The following UBTD2 variants were observed in gnomAD, a reference collection of about 807,000 sequenced individuals.
The protein encoded by UBTD2 is ubiquitin domain containing 2.
Under a neutral mutation model 19.8 loss-of-function variants are expected in UBTD2, and 9 were observed. The ratio of observed to expected loss-of-function variants is 0.46; its 90% confidence interval spans 0.27 to 0.79. The LOEUF (loss-of-function observed/expected upper bound fraction) is 0.79, where lower values mean the gene tolerates loss of function less well. Ranked by LOEUF, UBTD2 falls within the 30% of genes least tolerant of loss-of-function variation. UBTD2 has a pLI of 0.14. For missense variants in UBTD2, 250 were observed against 300.4 expected (o/e 0.83, Z 1.24); for synonymous variants, 98 against 103.9 (o/e 0.94, Z 0.35).
intron 2 of UBTD2, among the ~76,000 whole-genome samples, chr5:172,228,527 C>G (rs1056401965): frequency 6.6e-6 from 1 of 151,984 alleles, no homozygotes; most frequent in African/African-American, 2.4e-5. Flanking sequence ...TTGAGACCAC[C>G]CTGGCCAACA....
chr5:172,218,798 TAAA>T (rs58608463), intron 2 of UBTD2, among the ~76,000 whole-genome samples: 1 of 121,506 alleles, frequency 8.2e-6, no homozygotes, highest in Non-Finnish European at 1.8e-5. Context: ...AATAAAAAAA[TAAA>T]AAAAAAAATA....
chr5:172,234,266 C>G lies in UBTD2; in HGVS notation c.163G>C (p.Asp55His). 1 of 1,614,184 alleles carries G rather than the reference C, an allele frequency of 6.2e-7. No individual in the cohort carries two copies. The highest frequency in any genetic ancestry group is 8.5e-7 in the Non-Finnish European group (1 of 1,180,032). The change falls in exon 2 of 3, where the codon GAT (aspartate) becomes CAT (histidine). Residue 55 changes from aspartate to histidine, a missense_variant. Physicochemically the swap from Asp to His is moderately conservative, Grantham distance 81. Transcript: ENST00000393792. ...GCTGGTGCTGTATCCCAAAATTCAT[C>G]CCTCTTGCTGCGTAGTTGTCCATCT... The part of the protein sequence containing the change: ...MTDGQLRSKR[D>H]EFWDTAPAFE...
At chr5:172,248,586 TA>T (rs772834913) in intron 1 of UBTD2, among the ~76,000 whole-genome samples, 211 of 137,008 alleles carry the variant, frequency 1.5e-3, no homozygotes, top group Admixed American at 1.9e-3. Flanking sequence ...AGACTCCGTC[TA>T]AAAAAAAAAA....
At chr5:172,221,588 A>C (rs1312299081) in intron 2 of UBTD2, among the ~76,000 whole-genome samples, 1 of 152,210 alleles carries the variant, frequency 6.6e-6, no homozygotes, top group Admixed American at 6.5e-5. Flanking sequence ...AACTGAAAGA[A>C]GATAGTGTGA....
At chr5:172,269,320 T>C (rs1422118704) in intron 1 of UBTD2, among the ~76,000 whole-genome samples, 1 of 151,664 alleles carries the variant, frequency 6.6e-6, no homozygotes, top group Admixed American at 6.6e-5. Context: ...TGAAACCCCA[T>C]CTCTACTAAA....
chr5:172,219,698 A>T (rs568375993), intron 2 of UBTD2, among the ~76,000 whole-genome samples: 1 of 152,250 alleles, frequency 6.6e-6, no homozygotes, highest in Non-Finnish European at 1.5e-5. Flanking sequence ...CTAAGATCTA[A>T]GATAAGAACA....
In UBTD2 at chr5:172,283,409, G is replaced by A. The variant is rs1755760551; in HGVS notation, c.70+187C>T. ...CGGCGCTCAGAGGACTTTTCTTCAG[G>A]GCTGGGGCGGGAAGGGGCGACCCCC... On this transcript the variant is annotated intron_variant, in intron 1 of 2. Coordinates refer to ENST00000393792, the MANE Select transcript of UBTD2 (RefSeq NM_152277.3). This position sits in a 1 kb window ranked among gnomAD's most constrained non-coding sequence, Gnocchi z 4.3. Among the ~76,000 whole-genome samples, 1 of 152,162 alleles carries A rather than the reference G, an allele frequency of 6.6e-6. No homozygotes were observed. The highest frequency in any genetic ancestry group is 2.4e-5 in the African/African-American group (1 of 41,434).
intron 1 of UBTD2, among the ~76,000 whole-genome samples, chr5:172,258,331 T>C (rs1755201265): frequency 6.6e-6 from 1 of 152,216 alleles, no homozygotes; most frequent in Non-Finnish European, 1.5e-5. Flanking sequence ...GTTATGTAAC[T>C]CATTCCATTG....
At chr5:172,263,085 G>A (rs535119500) in intron 1 of UBTD2, among the ~76,000 whole-genome samples, 28 of 152,010 alleles carry the variant, frequency 1.8e-4, no homozygotes, top group African/African-American at 6.5e-4. Flanking sequence ...CTACAGGTGC[G>A]CACCACCACA....
At chr5:172,215,289 C>T in intron 2 of UBTD2, among the ~76,000 whole-genome samples, 1 of 152,134 alleles carries the variant, frequency 6.6e-6, no homozygotes, top group Non-Finnish European at 1.5e-5. Flanking sequence ...TTAAATATGC[C>T]AGAGAATTCT....
intron 1 of UBTD2, among the ~76,000 whole-genome samples, chr5:172,268,935 T>C (rs1441040656): frequency 1.3e-5 from 2 of 152,138 alleles, no homozygotes. Flanking sequence ...CATGAAGATA[T>C]AATAATCTTT....
chr5:172,258,804 T>C (rs1755210246), intron 1 of UBTD2, among the ~76,000 whole-genome samples: 1 of 152,240 alleles, frequency 6.6e-6, no homozygotes, highest in African/African-American at 2.4e-5. Context: ...ACAGTGATTT[T>C]GTATCCAGAA....
chr5:172,249,431 C>G (rs879447524), intron 1 of UBTD2, among the ~76,000 whole-genome samples: 2 of 119,974 alleles, frequency 1.7e-5, no homozygotes, highest in African/African-American at 3.1e-5. Flanking sequence ...AAAAAAAGAA[C>G]AGCAATCCTT....
chr5:172,244,071 A>G (rs1772187529), intron 1 of UBTD2, among the ~76,000 whole-genome samples: 1 of 152,048 alleles, frequency 6.6e-6, no homozygotes, highest in African/African-American at 2.4e-5. Context: ...GCCCATGCCT[A>G]ATCTTCCTAC....
chr5:172,248,938 G>C (rs1054804103), intron 1 of UBTD2, among the ~76,000 whole-genome samples: 1 of 143,188 alleles, frequency 7.0e-6, no homozygotes, highest in Non-Finnish European at 1.5e-5. Flanking sequence ...GGCCTGTCTT[G>C]GGGGGGAAGA....
At chr5:172,223,524 G>A (rs1055042521) in intron 2 of UBTD2, among the ~76,000 whole-genome samples, 2 of 138,434 alleles carry the variant, frequency 1.4e-5, no homozygotes, top group Non-Finnish European at 3.0e-5. Context: ...GCTTGAACCC[G>A]GGAGGCAGAG....
chr5:172,224,824 A>G (rs1430155999), intron 2 of UBTD2, among the ~76,000 whole-genome samples: 1 of 152,212 alleles, frequency 6.6e-6, no homozygotes, highest in Admixed American at 6.5e-5. Context: ...ACTAATACAG[A>G]GAGGTTTGCT....
intron 1 of UBTD2, among the ~76,000 whole-genome samples, chr5:172,278,416 G>T (rs1460428306): frequency 6.6e-6 from 1 of 152,062 alleles, no homozygotes; most frequent in Non-Finnish European, 1.5e-5. Flanking sequence ...CTACTCGGAG[G>T]GCTGAGACAG....
chr5:172,233,666 G>T (rs1334359146), intron 2 of UBTD2, among the ~76,000 whole-genome samples: 1 of 152,106 alleles, frequency 6.6e-6, no homozygotes, highest in Non-Finnish European at 1.5e-5. Context: ...GGCTTGATGA[G>T]AAAGTATAAT....
Sources: allele counts gnomAD v4.1 joint callset (sites outside exome capture counted in the v4.1 genomes callset), GRCh38; gene constraint gnomAD v4.1.1; non-coding constraint Gnocchi (gnomAD v3.1); transcripts MANE v1.5; gene names NCBI Gene and HGNC (gene_info 2026-07-23, HGNC 2026-07-21).